Variants in NTRK3 observed in about 807,000 individuals in gnomAD.
NTRK3 encodes neurotrophic receptor tyrosine kinase 3.
Under a neutral mutation model 91.7 loss-of-function variants are expected in NTRK3, and 24 were observed. That is an observed-to-expected ratio of 0.26 (90% CI 0.19 to 0.37). The LOEUF (loss-of-function observed/expected upper bound fraction) is 0.37, where lower values mean the gene tolerates loss of function less well. Ranked by LOEUF, NTRK3 falls within the 10% of genes least tolerant of loss-of-function variation. The pLI is 1.00. For synonymous variants in NTRK3, 483 were observed against 404.0 expected (o/e 1.20, Z -2.34); for missense variants, 880 against 1,068.9 (o/e 0.82, Z 2.46).
chr15:88,110,885 C>T (rs1388435573), intron 13 of NTRK3, among the ~76,000 whole-genome samples: 1 of 152,078 alleles, frequency 6.6e-6, no homozygotes, highest in Admixed American at 6.5e-5. Flanking sequence ...AGGGCACACA[C>T]TGAAGGGGCC....
intron 14 of NTRK3, among the ~76,000 whole-genome samples, chr15:88,004,731 G>A (rs1339585586): frequency 6.6e-6 from 1 of 152,226 alleles, no homozygotes; most frequent in African/African-American, 2.4e-5. Flanking sequence ...AGGTGTGGGA[G>A]AGTGTGAGAG....
At chr15:87,927,967 ATTTTTTGT>A (rs1289875205) in intron 17 of NTRK3, 1 of 152,020 alleles carries the variant, frequency 6.6e-6, no homozygotes. Flanking sequence ...CCAAAAATAG[ATTTTTTGT>A]TTTTTTGTTT....
chr15:88,044,572 C>A (rs2079995506), intron 13 of NTRK3, among the ~76,000 whole-genome samples: 2 of 130,112 alleles, frequency 1.5e-5, no homozygotes, highest in African/African-American at 5.6e-5. Context: ...ACCACACCCG[C>A]CCCCCCACCC....
At chr15:88,116,101 G>A (rs895434324) in intron 13 of NTRK3, among the ~76,000 whole-genome samples, 1 of 152,184 alleles carries the variant, frequency 6.6e-6, no homozygotes, top group African/African-American at 2.4e-5. Flanking sequence ...GACTCCTTCA[G>A]TGGGGGCAAC....
intron 14 of NTRK3, among the ~76,000 whole-genome samples, chr15:88,020,747 G>T (rs1320461144): frequency 6.6e-6 from 1 of 152,172 alleles, no homozygotes; most frequent in East Asian, 1.9e-4. Flanking sequence ...GGTAGGCTGG[G>T]ACCTGGGTCT....
At chr15:87,871,452 T>C (rs1171196992) in exon 19 of NTRK3, 2 of 230,414 alleles carry the variant, frequency 8.7e-6, no homozygotes, top group Non-Finnish European at 1.7e-5. Context: ...ATTCTCTCTG[T>C]CTCACCCCTC....
chr15:87,875,562 A>G (rs556906984), exon 19 of NTRK3: 5 of 232,456 alleles, frequency 2.2e-5, no homozygotes, highest in Admixed American at 5.6e-5. Flanking sequence ...CCTTCCCCCT[A>G]CCCCAGCCCA....
rs531600838 is a variant in NTRK3, at chr15:88,254,283, T to C, written c.248+1623A>G. On this transcript the variant is annotated intron_variant, in intron 3 of 18. Transcript: ENST00000394480. ...TCCCTAACAGTCTCACTCTGAACCC[T>C]TCTCCCTGCATCCTTGGGAATGCTG... 2.6e-5 allele frequency among the ~76,000 whole-genome samples: 4 copies of C among 152,174 alleles called. No homozygotes were observed. The South Asian group carries it at 8.3e-4, about 32-fold the overall frequency.
chr15:88,102,596 T>TGAG (rs1223549578), intron 13 of NTRK3, among the ~76,000 whole-genome samples: 2 of 152,188 alleles, frequency 1.3e-5, no homozygotes, highest in Non-Finnish European at 2.9e-5. Context: ...ATTACGTGCT[T>TGAG]GTATCAAAAT....
intron 13 of NTRK3, chr15:88,098,599 C>T (rs1383678157): frequency 4.3e-5 from 10 of 230,300 alleles, no homozygotes; most frequent in South Asian, 1.8e-4. Flanking sequence ...CCCCAGATAG[C>T]GGGCCAGCTA....
At chr15:88,126,299 A>G (rs558247262) in exon 13 of NTRK3, 16 of 1,614,042 alleles carry the variant, frequency 9.9e-6, no homozygotes, top group East Asian at 4.5e-5. Context: ...ACCGTCGACC[A>G]TATTTGTTGA....
rs890457420 is a variant in NTRK3, at chr15:88,135,940, A to G, written c.866T>C (p.Val289Ala). 3 of 1,614,026 alleles carry G rather than the reference A, an allele frequency of 1.9e-6. No individual in the cohort carries two copies. In the Admixed American group the frequency reaches 5.0e-5, roughly 27 times the overall value. The change falls in exon 9 of 19, where the codon GTG becomes GCG. Residue 289 changes from valine to alanine, a missense_variant. Transcript: ENST00000394480. ...AACACTGGCATTGCTCATGCCCACC[A>G]CGTTCTCTGCAATGCACGTCAGGGT... is the stretch of plus-strand genomic sequence containing the variant.
Position 88,228,375 on chromosome 15 carries a change from ATGGC to A in NTRK3, c.248+27527_248+27530del, listed in dbSNP as rs750148493. ...CCTGGCTGTCTGCTACTTCCAATCC[ATGGC>A]TGGCTGTTATGGCTCAATCTTCCTG... On this transcript the variant is annotated intron_variant, in intron 3 of 18. Coordinates refer to ENST00000394480, the Ensembl canonical transcript of NTRK3. 8.9e-4 allele frequency among the ~76,000 whole-genome samples: 135 copies of A among 152,052 alleles called. 1 individual carries two copies. Among genetic ancestry groups the A allele is most frequent in the Non-Finnish European group, 8.2e-4 (56 of 67,976 alleles).
intron 13 of NTRK3, among the ~76,000 whole-genome samples, chr15:88,105,095 A>T (rs2050561551): frequency 6.6e-6 from 1 of 152,146 alleles, no homozygotes; most frequent in Non-Finnish European, 1.5e-5. Context: ...CATCTTCCCA[A>T]ATGACTAGAA....
rs2049597072 is a variant in NTRK3, at chr15:88,096,340, A to G, written c.1396+29931T>C. On this transcript the variant is annotated intron_variant, in intron 13 of 18. Coordinates refer to ENST00000394480, the Ensembl canonical transcript of NTRK3. Reference sequence around the variant, plus strand: ...GCCAGAATCAGTTTCTGTGGCTTATATAAAAGAATATGGACTGAATCACCC... The same window carrying G: ...GCCAGAATCAGTTTCTGTGGCTTATGTAAAAGAATATGGACTGAATCACCC... Among the ~76,000 whole-genome samples the G allele has an allele frequency of 2.0e-5, 3 of 152,308 alleles. No individual in the cohort carries two copies. In the South Asian group the frequency reaches 6.2e-4, roughly 32 times the overall value.
rs1176025802 is a variant in NTRK3, at chr15:88,240,899, A to C, written c.248+15007T>G. ...CGAGGCCCACAAAGGTGTGGAGAGC[A>C]ATGAGAATGGTGTGCCCAGCATTCT... On this transcript the variant is annotated intron_variant, in intron 3 of 18. Transcript: ENST00000394480. The surrounding 1 kb of genome is among the most constrained non-coding windows in gnomAD (Gnocchi z 4.9). 6.6e-6 allele frequency among the ~76,000 whole-genome samples: 1 copy of C among 152,220 alleles called. No homozygotes were observed. Among genetic ancestry groups the C allele is most frequent in the African/African-American group, 2.4e-5 (1 of 41,462 alleles).
chr15:88,127,409 G>T (rs989507260), intron 11 of NTRK3, among the ~76,000 whole-genome samples, 183 bp from the exon 12 acceptor site: 1 of 151,952 alleles, frequency 6.6e-6, no homozygotes, highest in Non-Finnish European at 1.5e-5. Context: ...CACAGACCAG[G>T]TTCCTATCTG....
intron 17 of NTRK3, among the ~76,000 whole-genome samples, chr15:87,915,723 C>T (rs751452418): frequency 5.7e-4 from 87 of 152,264 alleles, no homozygotes; most frequent in Non-Finnish European, 9.6e-4. Flanking sequence ...ATAATTTCTA[C>T]CTTATTCTTT....
intron 5 of NTRK3, among the ~76,000 whole-genome samples, chr15:88,172,803 G>T (rs528383157): frequency 2.2e-4 from 33 of 152,240 alleles, no homozygotes; most frequent in Admixed American, 1.9e-3. Context: ...AGTAATCTCA[G>T]GACCACAGGG....
Sources: allele counts gnomAD v4.1 joint callset (sites outside exome capture counted in the v4.1 genomes callset), GRCh38; gene constraint gnomAD v4.1.1; non-coding constraint Gnocchi (gnomAD v3.1); transcripts MANE v1.5; gene names NCBI Gene and HGNC (gene_info 2026-07-23, HGNC 2026-07-21).